The following INTS7 variants were observed in gnomAD, a reference collection of about 807,000 sequenced individuals.
INTS7 encodes integrator complex subunit 7.
A neutral mutation model predicts 109.2 loss-of-function variants in INTS7; 46 were observed. The ratio of observed to expected loss-of-function variants is 0.42; its 90% CI spans 0.33 to 0.54. The LOEUF is 0.54. INTS7 is among the 20% of genes least tolerant of loss of function. INTS7 has a pLI of 0.07. For missense variants in INTS7, 929 were observed against 1,132.4 expected, an observed-to-expected ratio of 0.82 and a Z score of 2.58; for synonymous variants, 412 against 402.9, an observed-to-expected ratio of 1.02 and a Z score of -0.27.
chr1:211,952,455 A>T (rs1465795774), intron 17 of INTS7, 114 bp downstream of exon 17: 7 of 1,047,766 alleles, frequency 6.7e-6, no homozygotes, highest in Admixed American at 2.2e-5. Flanking sequence ...TGTTTTATGG[A>T]TAAGGAAACA....
rs748163284 is a variant in INTS7, at chr1:211,941,886, G to C, written c.2827C>G (p.Gln943Glu). ...TGTAATGGCTGCTGGGCTTGCTGCT[G>C]TTGTAAGCGAATTTGCTGGGAATAA... is the stretch of plus-strand genomic sequence containing the variant. ...DPYSQQIRLQ[Q>E]QQAQQPLQQQ... Residue 943 changes from glutamine to glutamate, a missense_variant, in exon 20 of 20, where the codon CAG (glutamine) becomes GAG (glutamate). Around this residue, in one of 2 missense-constraint regions of INTS7, gnomAD observed 787 missense variants for 901.1 expected, o/e 0.87. Coordinates refer to ENST00000366994, the MANE Select transcript of INTS7 (RefSeq NM_015434.4). The C allele has an allele frequency of 4.3e-6, 7 of 1,614,214 alleles. No homozygotes were observed. The South Asian group carries it at 6.6e-5, about 15-fold the overall frequency.
At chr1:211,957,786 C>G (rs1381621394) in intron 16 of INTS7, among the ~76,000 whole-genome samples, 1 of 151,946 alleles carries the variant, frequency 6.6e-6, no homozygotes, top group Non-Finnish European at 1.5e-5. Context: ...ATTTCAAGGT[C>G]ATGAAGAGGT....
At chr1:211,973,134 C>T (rs915555551) in intron 13 of INTS7, among the ~76,000 whole-genome samples, 6 of 151,920 alleles carry the variant, frequency 3.9e-5, no homozygotes, top group African/African-American at 9.7e-5. Flanking sequence ...TTTGTAGAGA[C>T]GGGGTTTTCC....
At chr1:212,003,538 T>C (rs1425164226) in intron 7 of INTS7, among the ~76,000 whole-genome samples, 1 of 152,004 alleles carries the variant, frequency 6.6e-6, no homozygotes, top group Non-Finnish European at 1.5e-5. Context: ...GAAAAGTAAC[T>C]AGGAAATAGC....
intron 19 of INTS7, among the ~76,000 whole-genome samples, chr1:211,943,870 T>G (rs1185954129): frequency 6.6e-6 from 1 of 152,226 alleles, no homozygotes; most frequent in Non-Finnish European, 1.5e-5. Flanking sequence ...GCTACAACTG[T>G]GGACTTGGTC....
chr1:211,989,269 T>C (rs1346221034), intron 7 of INTS7, among the ~76,000 whole-genome samples: 1 of 151,856 alleles, frequency 6.6e-6, no homozygotes, highest in Non-Finnish European at 1.5e-5. Flanking sequence ...TAGATTCAAA[T>C]ATATACTAGA....
intron 8 of INTS7, among the ~76,000 whole-genome samples, 180 bp downstream of exon 8, chr1:211,987,706 G>C (rs772610402): frequency 6.6e-6 from 1 of 152,008 alleles, no homozygotes; most frequent in African/African-American, 2.4e-5. Flanking sequence ...TCAAGGATGC[G>C]AGATGTTGTT....
intron 13 of INTS7, among the ~76,000 whole-genome samples, chr1:211,973,288 A>G (rs1234471863): frequency 6.6e-6 from 1 of 152,222 alleles, no homozygotes; most frequent in South Asian, 2.1e-4. Context: ...TGAAATAATA[A>G]ATAGGTATTG....
intron 16 of INTS7, among the ~76,000 whole-genome samples, chr1:211,954,068 CCTGA>C (rs1349142101): frequency 5.3e-5 from 8 of 152,150 alleles, no homozygotes; most frequent in African/African-American, 1.7e-4. Context: ...CCTGTTGTTT[CCTGA>C]CTTTTTAATG....
At chr1:211,950,264 AACTT>A (rs142811210) in intron 17 of INTS7, among the ~76,000 whole-genome samples, 2,118 of 152,244 alleles carry the variant, frequency 0.014, 13 homozygotes, top group Non-Finnish European at 0.021. Context: ...AAAGGGAAAT[AACTT>A]ACTTACTTAC....
chr1:211,981,543 T>C (rs1275816137), intron 9 of INTS7, among the ~76,000 whole-genome samples: 1 of 152,158 alleles, frequency 6.6e-6, no homozygotes, highest in African/African-American at 2.4e-5. Flanking sequence ...TGTGTTAATC[T>C]CCCTAATCAG....
At chr1:212,029,795 A>G (rs1667073118) in intron 1 of INTS7, among the ~76,000 whole-genome samples, 1 of 152,220 alleles carries the variant, frequency 6.6e-6, no homozygotes, top group African/African-American at 2.4e-5. Flanking sequence ...CTTAAAATCT[A>G]TACATTAATA....
At chr1:212,022,807 T>C (rs1341929268) in intron 1 of INTS7, among the ~76,000 whole-genome samples, 1 of 152,172 alleles carries the variant, frequency 6.6e-6, no homozygotes, top group African/African-American at 2.4e-5. Context: ...GGGTATACTG[T>C]GAGATGCTGA....
intron 17 of INTS7, among the ~76,000 whole-genome samples, chr1:211,951,426 GCC>G (rs957123050): frequency 9.9e-5 from 15 of 152,180 alleles, no homozygotes; most frequent in Admixed American, 7.9e-4. Context: ...TCCTGCCTCA[GCC>G]GCCTGAGTAG....
intron 16 of INTS7, among the ~76,000 whole-genome samples, chr1:211,965,091 A>G (rs774162665): frequency 1.3e-5 from 2 of 152,124 alleles, no homozygotes; most frequent in Non-Finnish European, 2.9e-5. Flanking sequence ...TCTATAAGGA[A>G]CTTGAATTAT....
chr1:211,966,372 G>GT, intron 16 of INTS7, 58 bp downstream of exon 16: 1 of 949,076 alleles, frequency 1.1e-6, no homozygotes, highest in East Asian at 2.4e-5. Context: ...TGATGATTAG[G>GT]TAAGACAATG....
chr1:211,952,424 C>T, intron 17 of INTS7, 145 bp downstream of exon 17: 2 of 681,522 alleles, frequency 2.9e-6, no homozygotes, highest in East Asian at 2.8e-5. Context: ...CACTACAATG[C>T]TGTGAGGTAG....
Position 212,016,114 on chromosome 1 carries a change from T to C in INTS7, c.509+772A>G, listed in dbSNP as rs185364302. The stretch of plus-strand genomic sequence containing the variant: ...ATTTATCTAAGCTCAATGGAAGAAA[T>C]TTAGGTTGCTTCTCATTTCTTTTGT... On this transcript the variant is annotated intron_variant, in intron 4 of 19. Transcript: ENST00000366994. 2.0e-5 allele frequency among the ~76,000 whole-genome samples: 3 copies of C among 152,318 alleles called. No individual in the cohort carries two copies. In the East Asian group the frequency reaches 5.8e-4, roughly 29 times the overall value.
In INTS7 at chr1:211,941,727, T is replaced by C. The variant is rs17018244; in HGVS notation, c.*97A>G. On this transcript the variant is annotated 3_prime_UTR_variant, in exon 20 of 20. Transcript: ENST00000366994. ...TACAAAAATCAATGAATAAATGAACTACACTGTAACTTTAATACTTATTCC... is the reference window on the plus strand; with the variant it reads ...TACAAAAATCAATGAATAAATGAACCACACTGTAACTTTAATACTTATTCC... The C allele has an allele frequency of 6.8e-7, 1 of 1,476,274 alleles. No individual in the cohort carries two copies. Among genetic ancestry groups the C allele is most frequent in the Non-Finnish European group, 9.1e-7 (1 of 1,097,842 alleles). 91.4% of individuals were successfully genotyped at this position (1,476,274 alleles called of 1,614,324 possible).
Sources: gnomAD v4.1 joint callset for allele counts (sites outside exome capture counted in the v4.1 genomes callset) on GRCh38, gnomAD v4.1.1 for gene constraint, gnomAD v4.1.1 regional missense constraint, MANE v1.5 for transcripts, NCBI Gene and HGNC (gene_info 2026-07-23, HGNC 2026-07-21) for gene names.